SUCLG2: variants seen among roughly 807,000 people sequenced by gnomAD.
SUCLG2 encodes succinate--CoA ligase [GDP-forming] subunit beta, mitochondrial.
In SUCLG2, 42 loss-of-function variants were observed where a neutral mutation model predicts 47.9. The observed-to-expected ratio is 0.88, with a 90% CI of 0.69 to 1.14. SUCLG2 has a LOEUF of 1.14. Ranked by LOEUF, SUCLG2 falls within the 50% of genes most tolerant of loss-of-function variation. SUCLG2 has a pLI of 0.00. For missense variants in SUCLG2, 571 were observed against 525.9 expected (o/e 1.09, Z -0.84); for synonymous variants, 195 against 197.3 (o/e 0.99, Z 0.10).
At chr3:67,515,970 C>A (rs542779974) in intron 6 of SUCLG2, among the ~76,000 whole-genome samples, 1 of 152,130 alleles carries the variant, frequency 6.6e-6, no homozygotes, top group East Asian at 1.9e-4. Context: ...CCCTCCCCCA[C>A]TCTCTCCTTC....
intron 7 of SUCLG2, among the ~76,000 whole-genome samples, chr3:67,507,293 T>C (rs1033036125): frequency 6.6e-6 from 1 of 152,168 alleles, no homozygotes; most frequent in Admixed American, 6.5e-5. Flanking sequence ...AATCATGAAA[T>C]ATATTATCTT....
intron 10 of SUCLG2, among the ~76,000 whole-genome samples, chr3:67,367,753 G>C (rs1296149871): frequency 2.0e-5 from 3 of 152,134 alleles, no homozygotes; most frequent in Non-Finnish European, 2.9e-5. Flanking sequence ...CCTTAGTTGA[G>C]AGCCACTAAT....
intron 10 of SUCLG2, among the ~76,000 whole-genome samples, chr3:67,378,217 T>C (rs1382141338): frequency 6.6e-6 from 1 of 152,250 alleles, no homozygotes; most frequent in African/African-American, 2.4e-5. Flanking sequence ...CTCCTGGTAG[T>C]CACATCTTTG....
chr3:67,368,203 C>A (rs548610203), intron 10 of SUCLG2, among the ~76,000 whole-genome samples: 1 of 152,244 alleles, frequency 6.6e-6, no homozygotes, highest in African/African-American at 2.4e-5. Context: ...AGTATGAGTC[C>A]AGTAAAATTT....
chr3:67,414,540 A>G (rs977085555), intron 9 of SUCLG2, among the ~76,000 whole-genome samples: 2 of 152,234 alleles, frequency 1.3e-5, no homozygotes, highest in African/African-American at 4.8e-5. Flanking sequence ...ACCAGCAAGG[A>G]CATGCCTTTT....
intron 9 of SUCLG2, among the ~76,000 whole-genome samples, chr3:67,410,343 G>A (rs1369139245): frequency 1.3e-5 from 2 of 152,154 alleles, no homozygotes; most frequent in South Asian, 2.1e-4. Flanking sequence ...AGCAGACAGG[G>A]TAGTAGTGGT....
At chr3:67,534,075 T>C (rs1204939196) in intron 2 of SUCLG2, among the ~76,000 whole-genome samples, 1 of 152,122 alleles carries the variant, frequency 6.6e-6, no homozygotes, top group African/African-American at 2.4e-5. Flanking sequence ...CACTTTCAAG[T>C]ATAAGTACAA....
intron 9 of SUCLG2, among the ~76,000 whole-genome samples, chr3:67,464,316 TAAG>T (rs1221013628): frequency 2.6e-5 from 4 of 152,100 alleles, no homozygotes; most frequent in African/African-American, 9.7e-5. Context: ...TCTAAGAAAG[TAAG>T]AAGCCCTCAT....
intron 1 of SUCLG2, among the ~76,000 whole-genome samples, chr3:67,641,658 A>T (rs966355226): frequency 6.6e-6 from 1 of 152,204 alleles, no homozygotes; most frequent in African/African-American, 2.4e-5. Flanking sequence ...CAAAAAGTTC[A>T]TTGATGTGTG....
Position 67,647,069 on chromosome 3 carries a change from G to C in SUCLG2, c.84+7434C>G, listed in dbSNP as rs1261239932. Among the ~76,000 whole-genome samples the C allele has an allele frequency of 7.9e-5, 12 of 152,032 alleles. No homozygotes were observed. In the East Asian group the frequency reaches 2.3e-3, roughly 29 times the overall value. ...AGGCAGCCCTCCTGAACCTCCTTAG[G>C]GCTCTCAAGTCACAACTCTGGGACT... On this transcript the variant is annotated intron_variant, in intron 1 of 10. Coordinates refer to ENST00000307227, the MANE Select transcript of SUCLG2 (RefSeq NM_003848.4).
At chr3:67,629,227 C>T (rs890407314) in intron 1 of SUCLG2, among the ~76,000 whole-genome samples, 2 of 152,140 alleles carry the variant, frequency 1.3e-5, no homozygotes, top group African/African-American at 2.4e-5. Context: ...ACTGGTTGTC[C>T]AAAAATTCCA....
chr3:67,470,957 G>A (rs912589418), intron 9 of SUCLG2, among the ~76,000 whole-genome samples: 1 of 152,092 alleles, frequency 6.6e-6, no homozygotes, highest in African/African-American at 2.4e-5. Flanking sequence ...GAAATACCCC[G>A]TTCTTCTGTT....
At chr3:67,559,289 ATAAATATAC>A (rs1407628299) in intron 2 of SUCLG2, among the ~76,000 whole-genome samples, 1 of 152,210 alleles carries the variant, frequency 6.6e-6, no homozygotes, top group East Asian at 1.9e-4. Flanking sequence ...TCACAATGCT[ATAAATATAC>A]TACCTGAGAC....
At chr3:67,587,188 T>G (rs946951443) in intron 2 of SUCLG2, among the ~76,000 whole-genome samples, 1 of 152,184 alleles carries the variant, frequency 6.6e-6, no homozygotes, top group African/African-American at 2.4e-5. Context: ...CTTCCCTCGG[T>G]GACTGAGAGG....
At chr3:67,492,782 G>T (rs377680209) in intron 9 of SUCLG2, among the ~76,000 whole-genome samples, 2 of 152,096 alleles carry the variant, frequency 1.3e-5, no homozygotes, top group Admixed American at 6.6e-5. Flanking sequence ...AATAAGAAAC[G>T]TATTAGTTGT....
At chr3:67,503,185 G>T (rs1378866992) in intron 7 of SUCLG2, among the ~76,000 whole-genome samples, 1 of 152,132 alleles carries the variant, frequency 6.6e-6, no homozygotes, top group African/African-American at 2.4e-5. Context: ...GACAGAAAAA[G>T]TTTGCCAATC....
intron 9 of SUCLG2, among the ~76,000 whole-genome samples, chr3:67,404,878 G>C (rs1269176407): frequency 6.6e-6 from 1 of 151,276 alleles, no homozygotes; most frequent in Non-Finnish European, 1.5e-5. Flanking sequence ...TGCCTCACGT[G>C]TTCATTCATT....
chr3:67,430,621 T>C (rs1322377835), intron 9 of SUCLG2, among the ~76,000 whole-genome samples: 1 of 151,884 alleles, frequency 6.6e-6, no homozygotes, highest in East Asian at 1.9e-4. Flanking sequence ...CTGAAGGACA[T>C]AGAGACACAA....
In SUCLG2 at chr3:67,471,596, T is replaced by C. The variant is rs974247008; in HGVS notation, c.1062+24202A>G. Among the ~76,000 whole-genome samples the C allele has an allele frequency of 4.6e-5, 7 of 152,310 alleles. 1 individual carries two copies. Among genetic ancestry groups the C allele is most frequent in the African/African-American group, 1.4e-4 (6 of 41,572 alleles). On this transcript the variant is annotated intron_variant, in intron 9 of 10. Coordinates refer to ENST00000307227, the MANE Select transcript of SUCLG2 (RefSeq NM_003848.4). ...CGGCTAAAACTGGTCTGGTCTAGGC[T>C]GACCTAGCCTTCTCTGGGGGAGAAT...
Sources: allele counts gnomAD v4.1 joint callset (sites outside exome capture counted in the v4.1 genomes callset), GRCh38; gene constraint gnomAD v4.1.1; transcripts MANE v1.5; gene names NCBI Gene and HGNC (gene_info 2026-07-23, HGNC 2026-07-21).